The following CPNE1 variants were observed in gnomAD, a reference collection of about 807,000 sequenced individuals.
The protein encoded by CPNE1 is copine 1, also known as copine-1.
Under a neutral mutation model 63.2 loss-of-function variants are expected in CPNE1, and 58 were observed. The ratio of observed to expected loss-of-function variants is 0.92; its 90% CI spans 0.74 to 1.14. The LOEUF is 1.14. Among genes scored for constraint, CPNE1 ranks in the 50% most tolerant of loss-of-function variants. The pLI is 0.00. For synonymous variants in CPNE1, 237 were observed against 249.0 expected (o/e 0.95, Z 0.45); for missense variants, 672 against 661.7 (o/e 1.02, Z -0.17).
chr20:35,630,417 C>T (rs1175629630), intron 13 of CPNE1, 22 bp downstream of exon 13: 1 of 1,611,586 alleles, frequency 6.2e-7, no homozygotes, highest in Non-Finnish European at 8.5e-7. Context: ...AGACCTGCCT[C>T]AGGGTGGATG....
At chr20:35,649,001 T>TTA (rs1449096304) in intron 1 of CPNE1, 1 of 152,670 alleles carries the variant, frequency 6.6e-6, no homozygotes, top group Non-Finnish European at 1.5e-5. Context: ...GACTTCATCT[T>TTA]TATAAACAAA....
At chr20:35,637,836 T>C (rs1371780936) in intron 1 of CPNE1, among the ~76,000 whole-genome samples, 1 of 152,202 alleles carries the variant, frequency 6.6e-6, no homozygotes, top group Non-Finnish European at 1.5e-5. Flanking sequence ...GCCACGCAAC[T>C]ATCCTCCAGC....
At chr20:35,654,835 C>G in intron 1 of CPNE1, 1 of 1,614,150 alleles carries the variant, frequency 6.2e-7, no homozygotes, top group Non-Finnish European at 8.5e-7. Flanking sequence ...AAAGGAAGCC[C>G]CCATATTTGG....
intron 1 of CPNE1, chr20:35,655,468 G>T: frequency 1.3e-6 from 1 of 797,524 alleles, no homozygotes; most frequent in Non-Finnish European, 1.9e-6. Flanking sequence ...CACAGGCAAT[G>T]TCTTTAATTT....
chr20:35,648,777 C>A (rs939474171), intron 1 of CPNE1: 1 of 152,218 alleles, frequency 6.6e-6, no homozygotes, highest in Admixed American at 6.5e-5. Flanking sequence ...GACACTTCAG[C>A]ATTAGCAGGC....
chr20:35,653,536 T>C, intron 1 of CPNE1: 1 of 1,614,238 alleles, frequency 6.2e-7, no homozygotes, highest in Non-Finnish European at 8.5e-7. Flanking sequence ...ACGTGCATCA[T>C]CTTCATTTTT....
intron 1 of CPNE1, among the ~76,000 whole-genome samples, chr20:35,658,616 C>G (rs772449622): frequency 1.7e-4 from 26 of 151,978 alleles, no homozygotes; most frequent in Non-Finnish European, 3.1e-4. Context: ...AAAAAATTAG[C>G]CGGGTATGGT....
chr20:35,632,584 A>G lies in CPNE1; in HGVS notation c.242T>C (p.Ile81Thr), dbSNP rs2032230814. ...VQKLRFGIYDIDNKTPELRDD... is the reference protein window; with the variant it reads ...VQKLRFGIYDTDNKTPELRDD... ...CCTCAGCTCTGGCGTCTTGTTGTCTATGTCATAGATTCCAAAGCGTAGCTT... is the reference window on the plus strand; with the variant it reads ...CCTCAGCTCTGGCGTCTTGTTGTCTGTGTCATAGATTCCAAAGCGTAGCTT... Residue 81 changes from isoleucine (I) to threonine (T), a missense_variant, in exon 3 of 16, where the codon ATA (isoleucine) becomes ACA (threonine). Physicochemically the swap from Ile to Thr is moderately conservative, Grantham distance 89 (BLOSUM62 -1). Transcript: ENST00000397443. 6.2e-7 allele frequency: 1 copy of G among 1,613,408 alleles called. No homozygotes were observed. Among genetic ancestry groups the G allele is most frequent in the Non-Finnish European group, 8.5e-7 (1 of 1,179,330 alleles).
At chr20:35,656,401 T>C (rs1305977409) in intron 1 of CPNE1, among the ~76,000 whole-genome samples, 1 of 152,218 alleles carries the variant, frequency 6.6e-6, no homozygotes, top group African/African-American at 2.4e-5. Context: ...CAAAGGCTTC[T>C]AAGAGCAAAT....
chr20:35,652,450 A>G (rs2033587148), intron 1 of CPNE1: 5 of 1,492,806 alleles, frequency 3.3e-6, no homozygotes, highest in Non-Finnish European at 3.6e-6. Context: ...TAACCTGGAA[A>G]TACTAGGAAA....
chr20:35,642,708 C>A (rs1265686051), intron 1 of CPNE1, among the ~76,000 whole-genome samples: 1 of 152,170 alleles, frequency 6.6e-6, no homozygotes, highest in East Asian at 1.9e-4. Flanking sequence ...ACAAACTGAA[C>A]CAAAAATGAA....
intron 1 of CPNE1, among the ~76,000 whole-genome samples, chr20:35,638,884 C>T (rs1218449512): frequency 6.6e-6 from 1 of 152,120 alleles, no homozygotes; most frequent in East Asian, 1.9e-4. Context: ...ACAGGCAAAA[C>T]GAATCTGTGA....
intron 1 of CPNE1, chr20:35,652,533 T>C (rs779671271): frequency 1.2e-6 from 2 of 1,610,618 alleles, no homozygotes; most frequent in Non-Finnish European, 1.7e-6. Flanking sequence ...GCTACCCTAA[T>C]ACAAGTTTTA....
chr20:35,630,156 C>T lies in CPNE1; in HGVS notation c.1102+283G>A, dbSNP rs191147426. On this transcript the variant is annotated intron_variant, in intron 13 of 15. Coordinates refer to ENST00000397443, the MANE Select transcript of CPNE1 (RefSeq NM_152925.3). ...TAAACATACAAAAATTAGCCAGGCA[C>T]GGTGGCAAGCGACTGTAGTCCCAGC... is the stretch of plus-strand genomic sequence containing the variant. 5.4e-3 allele frequency among the ~76,000 whole-genome samples: 827 copies of T among 151,936 alleles called. 18 individuals carry two copies. Among genetic ancestry groups the T allele is most frequent in the African/African-American group, 0.019 (781 of 41,482 alleles).
chr20:35,648,125 T>TA (rs898536437), intron 1 of CPNE1, among the ~76,000 whole-genome samples: 12 of 151,892 alleles, frequency 7.9e-5, no homozygotes, highest in African/African-American at 2.4e-4. Context: ...TGTTGTTGAA[T>TA]AGACAGGGGT....
chr20:35,653,033 C>G (rs939679409), intron 1 of CPNE1: 13 of 1,613,730 alleles, frequency 8.1e-6, no homozygotes, highest in African/African-American at 1.3e-5. Context: ...AGTCCTAGAC[C>G]AGGCAAACCA....
chr20:35,652,411 T>TA, intron 1 of CPNE1: 6 of 1,252,342 alleles, frequency 4.8e-6, no homozygotes, highest in Non-Finnish European at 5.5e-6. Flanking sequence ...GAAACCAAGC[T>TA]ATATGCAATT....
At chr20:35,626,412 C>A (rs903054998) in intron 15 of CPNE1, 31 bp from the exon 16 acceptor site, 2 of 1,611,448 alleles carry the variant, frequency 1.2e-6, no homozygotes, top group Admixed American at 3.3e-5. Context: ...TCAGTGGTGG[C>A]CCAGAACAGC....
In CPNE1 at chr20:35,650,190, T is replaced by C. The variant is rs544755644; in HGVS notation, c.-1+14570A>G. 12 of 152,678 alleles carry C rather than the reference T, an allele frequency of 7.9e-5. No homozygotes were observed. In the South Asian group the frequency reaches 2.1e-3, roughly 26 times the overall value. The allele number at this position is 152,678 out of a possible 1,614,324, so 9.5% of individuals were successfully genotyped here. A position where few individuals can be genotyped will look rare whatever the true frequency, so the allele number is the denominator to read the frequency against. The stretch of plus-strand genomic sequence containing the variant: ...TAATTACAGTCCACAACGAGCACTG[T>C]TGTGATTCATATAAAACATAGTTCT... On this transcript the variant is annotated intron_variant, in intron 1 of 15. Coordinates refer to ENST00000397443, the MANE Select transcript of CPNE1 (RefSeq NM_152925.3).
Sources: gnomAD v4.1 joint callset for allele counts (sites outside exome capture counted in the v4.1 genomes callset) on GRCh38, gnomAD v4.1.1 for gene constraint, MANE v1.5 for transcripts, NCBI Gene and HGNC (gene_info 2026-07-23, HGNC 2026-07-21) for gene names.